The following ERC2 variants were observed in gnomAD, a reference collection of about 807,000 sequenced individuals.
The protein encoded by ERC2 is ELKS/RAB6-interacting/CAST family member 2, also known as ERC protein 2.
ERC2 carries 42 observed loss-of-function variants against 114.8 expected under a neutral mutation model. The ratio of observed to expected loss-of-function variants is 0.37; its 90% CI spans 0.29 to 0.47. ERC2 has a LOEUF of 0.47. Among genes scored for constraint, ERC2 ranks in the 20% least tolerant of loss-of-function variants. The pLI is 0.99. For missense variants in ERC2, 939 were observed against 1,150.7 expected, an observed-to-expected ratio of 0.82 and a Z score of 2.66; for synonymous variants, 454 against 425.5, an observed-to-expected ratio of 1.07 and a Z score of -0.82.
intron 2 of ERC2, among the ~76,000 whole-genome samples, chr3:56,376,516 G>C (rs2059547206): frequency 6.6e-6 from 1 of 151,680 alleles, no homozygotes; most frequent in Non-Finnish European, 1.5e-5. Flanking sequence ...TGTAATCCTA[G>C]CACTTTGGGA....
chr3:56,031,558 T>C (rs1360597692), intron 7 of ERC2, among the ~76,000 whole-genome samples: 2 of 152,218 alleles, frequency 1.3e-5, no homozygotes, highest in African/African-American at 4.8e-5. Context: ...TCTTCAAATG[T>C]GCAGACAAAA....
chr3:55,574,733 T>C (rs1463369694), intron 17 of ERC2, among the ~76,000 whole-genome samples: 1 of 152,200 alleles, frequency 6.6e-6, no homozygotes, highest in African/African-American at 2.4e-5. Context: ...CTACCATGAC[T>C]GAGAAGGCTC....
At chr3:56,355,309 CTT>C (rs2058704239) in intron 2 of ERC2, among the ~76,000 whole-genome samples, 1 of 147,718 alleles carries the variant, frequency 6.8e-6, no homozygotes, top group Non-Finnish European at 1.5e-5. Flanking sequence ...TTTTCTTTTT[CTT>C]TTTCTTTTTT....
intron 6 of ERC2, among the ~76,000 whole-genome samples, chr3:56,134,342 A>G (rs959973596): frequency 2.0e-5 from 3 of 152,238 alleles, no homozygotes; most frequent in African/African-American, 7.2e-5. Flanking sequence ...GTTCTCTAAC[A>G]TATATCCACG....
chr3:55,670,438 T>C (rs1470083867), intron 17 of ERC2, among the ~76,000 whole-genome samples: 3 of 152,212 alleles, frequency 2.0e-5, no homozygotes, highest in Admixed American at 2.0e-4. Context: ...CATCTTCCCC[T>C]TCCCATGAGG....
At chr3:55,854,803 G>C (rs1305605630) in intron 14 of ERC2, among the ~76,000 whole-genome samples, 2 of 152,162 alleles carry the variant, frequency 1.3e-5, no homozygotes, top group East Asian at 3.9e-4. Context: ...GCTCTGGAGT[G>C]GGATTCGCAT....
At chr3:56,137,363 A>G (rs1244163420) in intron 6 of ERC2, among the ~76,000 whole-genome samples, 1 of 152,190 alleles carries the variant, frequency 6.6e-6, no homozygotes, top group Non-Finnish European at 1.5e-5. Flanking sequence ...TGAATAATAC[A>G]GTGAAGAAAA....
intron 13 of ERC2, among the ~76,000 whole-genome samples, chr3:55,940,235 A>G (rs537542535): frequency 2.6e-5 from 4 of 152,174 alleles, no homozygotes; most frequent in African/African-American, 7.2e-5. Context: ...CCCAGACCCC[A>G]GGATTTCAGA....
At chr3:56,023,767 A>AAAGGAAGGAAGGAAAGAAGGAAGG (rs768746262) in intron 7 of ERC2, among the ~76,000 whole-genome samples, 1 of 49,586 alleles carries the variant, frequency 2.0e-5, no homozygotes. Context: ...ATGAATGAAA[A>AAAGGAAGGAAGGAAAGAAGGAAGG]AAGGAATGAA....
At chr3:55,522,128 T>TTC (rs1226737470) in intron 17 of ERC2, among the ~76,000 whole-genome samples, 1 of 152,204 alleles carries the variant, frequency 6.6e-6, no homozygotes, top group African/African-American at 2.4e-5. Flanking sequence ...TGCTACACAC[T>TTC]TCTATGTGTT....
At chr3:56,347,375 T>A (rs542964503) in intron 2 of ERC2, among the ~76,000 whole-genome samples, 3 of 152,040 alleles carry the variant, frequency 2.0e-5, no homozygotes, top group Non-Finnish European at 2.9e-5. Context: ...TGCTTCCTGT[T>A]AGGTTCTGCC....
intron 14 of ERC2, among the ~76,000 whole-genome samples, chr3:55,796,090 T>C (rs200109500): frequency 6.6e-6 from 1 of 151,598 alleles, no homozygotes; most frequent in African/African-American, 2.4e-5. Context: ...GGGGGGAGGG[T>C]AGAAAGAAAT....
At chr3:56,327,152 C>T (rs2057399067) in intron 2 of ERC2, among the ~76,000 whole-genome samples, 1 of 152,114 alleles carries the variant, frequency 6.6e-6, no homozygotes, top group African/African-American at 2.4e-5. Flanking sequence ...AAAGAACTGC[C>T]CAAGACTGGG....
chr3:56,047,138 G>C (rs575656285), intron 7 of ERC2, among the ~76,000 whole-genome samples: 1 of 152,260 alleles, frequency 6.6e-6, no homozygotes, highest in East Asian at 1.9e-4. Flanking sequence ...ATCTGCTTTT[G>C]TCTATGCATT....
chr3:55,766,737 A>G (rs1427911594), intron 14 of ERC2: 1 of 152,264 alleles, frequency 6.6e-6, no homozygotes, highest in Non-Finnish European at 1.5e-5. Context: ...GACACCAGGA[A>G]CACTGAGATG....
intron 3 of ERC2, among the ~76,000 whole-genome samples, chr3:56,214,194 C>T (rs557959384): frequency 7.2e-5 from 11 of 152,218 alleles, no homozygotes; most frequent in East Asian, 5.8e-4. Flanking sequence ...CAAACTTCTC[C>T]GAGCTAAAGG....
At position 56,063,055 on chromosome 3, in the gene ERC2, A is replaced by T. The variant is rs528393672; in HGVS notation, c.1641+17762T>A. Reference sequence around the variant, plus strand: ...ATCCTCTTTAGAATGAACTATTGATAAAAGCTACAACATGGATGAGTTTCA... The same window carrying T: ...ATCCTCTTTAGAATGAACTATTGATTAAAGCTACAACATGGATGAGTTTCA... On this transcript the variant is annotated intron_variant, in intron 7 of 17. Transcript: ENST00000288221. Among the ~76,000 whole-genome samples, 6 of 152,346 alleles carry T rather than the reference A, an allele frequency of 3.9e-5. No homozygotes were observed. In the Middle Eastern group the frequency reaches 0.014, roughly 345 times the overall value.
At chr3:56,439,786 T>C (rs1291319665) in intron 1 of ERC2, among the ~76,000 whole-genome samples, 1 of 152,146 alleles carries the variant, frequency 6.6e-6, no homozygotes, top group Non-Finnish European at 1.5e-5. Flanking sequence ...TTCATTTCTC[T>C]TTAATCACAT....
At chr3:56,079,269 T>A (rs1338001811) in intron 7 of ERC2, among the ~76,000 whole-genome samples, 1 of 152,158 alleles carries the variant, frequency 6.6e-6, no homozygotes, top group African/African-American at 2.4e-5. Context: ...ATTTTTTTCA[T>A]AATAAGTCTT....
Sources: allele counts gnomAD v4.1 joint callset (sites outside exome capture counted in the v4.1 genomes callset), GRCh38; gene constraint gnomAD v4.1.1; transcripts MANE v1.5; gene names NCBI Gene and HGNC (gene_info 2026-07-23, HGNC 2026-07-21).